TMIGD2: variants seen among roughly 807,000 people sequenced by gnomAD.
TMIGD2 encodes transmembrane and immunoglobulin domain containing 2, also known as transmembrane and immunoglobulin domain-containing protein 2.
Under a neutral mutation model 22.6 loss-of-function variants are expected in TMIGD2, and 18 were observed. The ratio of observed to expected loss-of-function variants is 0.80; its 90% CI spans 0.55 to 1.18. The LOEUF (loss-of-function observed/expected upper bound fraction) is 1.18. TMIGD2 is among the 50% of genes most tolerant of loss of function. The pLI, the probability that TMIGD2 is intolerant of heterozygous loss-of-function variation, is 0.00. For synonymous variants in TMIGD2, 184 were observed against 154.1 expected (o/e 1.19, Z -1.44); for missense variants, 361 against 378.2 (o/e 0.95, Z 0.38).
At chr19:4,296,545 G>A (rs1210065421) in intron 2 of TMIGD2, among the ~76,000 whole-genome samples, 4 of 152,168 alleles carry the variant, frequency 2.6e-5, no homozygotes, top group South Asian at 2.1e-4. Context: ...CAGCTGTGTG[G>A]GGTTGGACCC....
At chr19:4,292,365 G>A (rs6510800) in exon 5 of TMIGD2, 86,069 of 499,342 alleles carry the variant, frequency 0.17, 8,219 homozygotes, top group South Asian at 0.25. Flanking sequence ...TTTTTGAGAC[G>A]GAGTCTCACT....
At chr19:4,294,580 T>C in exon 4 of TMIGD2, 2 of 1,612,108 alleles carry the variant, frequency 1.2e-6, no homozygotes, top group Non-Finnish European at 1.7e-6. Flanking sequence ...GGCTGTTACC[T>C]GAGTCCCTTT....
At chr19:4,301,823 G>A (rs1258539770) in intron 1 of TMIGD2, among the ~76,000 whole-genome samples, 1 of 152,240 alleles carries the variant, frequency 6.6e-6, no homozygotes, top group Non-Finnish European at 1.5e-5. Context: ...GAAACACAGA[G>A]GGAGCTGCTG....
chr19:4,301,439 TG>T (rs1212263775), intron 1 of TMIGD2, among the ~76,000 whole-genome samples: 1 of 151,994 alleles, frequency 6.6e-6, no homozygotes, highest in Non-Finnish European at 1.5e-5. Flanking sequence ...GAGGCCAAGG[TG>T]GGTGGATCAT....
At chr19:4,301,404 C>T (rs1308262881) in intron 1 of TMIGD2, among the ~76,000 whole-genome samples, 2 of 152,182 alleles carry the variant, frequency 1.3e-5, no homozygotes, top group Non-Finnish European at 2.9e-5. Context: ...CACGGTGGCT[C>T]ACGCCTGTAA....
At chr19:4,302,157 AG>A (rs972258419) in intron 1 of TMIGD2, among the ~76,000 whole-genome samples, 182 bp downstream of exon 1, 2 of 151,800 alleles carry the variant, frequency 1.3e-5, no homozygotes, top group Non-Finnish European at 2.9e-5. Flanking sequence ...ATTGTATCCT[AG>A]GGGCCCTCAG....
chr19:4,300,804 G>A (rs763160981), intron 1 of TMIGD2, among the ~76,000 whole-genome samples: 1 of 152,354 alleles, frequency 6.6e-6, no homozygotes, highest in South Asian at 2.1e-4. Flanking sequence ...AGGCCCGTGT[G>A]GCTGGAGCAG....
At chr19:4,298,247 C>T in exon 2 of TMIGD2, 1 of 1,612,646 alleles carries the variant, frequency 6.2e-7, no homozygotes, top group East Asian at 2.2e-5. Flanking sequence ...CAGGCTGTGG[C>T]CTGGTCCACC....
chr19:4,292,352 T>G (rs1192224471), exon 5 of TMIGD2: 1 of 467,910 alleles, frequency 2.1e-6, no homozygotes, highest in Non-Finnish European at 3.8e-6. Context: ...CTGCTTTTTG[T>G]TTTTTTTGAG....
intron 1 of TMIGD2, among the ~76,000 whole-genome samples, chr19:4,300,811 G>A (rs1971526959): frequency 6.6e-6 from 1 of 152,234 alleles, no homozygotes; most frequent in South Asian, 2.1e-4. Flanking sequence ...TGTGGCTGGA[G>A]CAGAGTGAGG....
At chr19:4,292,661 G>T (rs1183969883) in exon 5 of TMIGD2, 1 of 1,609,530 alleles carries the variant, frequency 6.2e-7, no homozygotes, top group Non-Finnish European at 8.5e-7. Flanking sequence ...CTTGGTCTAG[G>T]AGAGACCCTG....
exon 2 of TMIGD2, chr19:4,298,066 G>A (rs764687467): frequency 3.7e-6 from 6 of 1,613,628 alleles, no homozygotes; most frequent in African/African-American, 1.3e-5. Context: ...GCACACGTAC[G>A]CCCCGCTGTG....
chr19:4,297,591 T>A (rs1375431643), intron 2 of TMIGD2, among the ~76,000 whole-genome samples: 3 of 152,184 alleles, frequency 2.0e-5, no homozygotes, highest in Non-Finnish European at 4.4e-5. Flanking sequence ...GCATGGTGGC[T>A]CAGGCCTGTA....
chr19:4,298,932 T>A (rs894751718), intron 1 of TMIGD2, among the ~76,000 whole-genome samples: 1 of 151,930 alleles, frequency 6.6e-6, no homozygotes, highest in Non-Finnish European at 1.5e-5. Flanking sequence ...ATGCTGGGTG[T>A]GGGGAACACA....
intron 1 of TMIGD2, among the ~76,000 whole-genome samples, chr19:4,301,771 C>T (rs1971539367): frequency 6.6e-6 from 1 of 151,880 alleles, no homozygotes; most frequent in Non-Finnish European, 1.5e-5. Context: ...AGGTTTTCGC[C>T]CCAGGAAATG....
intron 2 of TMIGD2, among the ~76,000 whole-genome samples, chr19:4,297,571 T>C (rs1343628312): frequency 1.3e-5 from 2 of 152,128 alleles, no homozygotes; most frequent in African/African-American, 4.8e-5. Flanking sequence ...ATTCTTGGAT[T>C]ATGGGCCGGG....
intron 2 of TMIGD2, among the ~76,000 whole-genome samples, chr19:4,295,567 A>G (rs1971452119): frequency 6.6e-6 from 1 of 152,006 alleles, no homozygotes; most frequent in East Asian, 1.9e-4. Context: ...CGAAAAAAAA[A>G]AAGAAAAATG....
intron 2 of TMIGD2, 62 bp from the exon 3 acceptor site, chr19:4,294,878 T>C: frequency 6.8e-7 from 1 of 1,460,332 alleles, no homozygotes; most frequent in South Asian, 1.4e-5. Context: ...AGGACAGAGC[T>C]CACTTGGGGG....
exon 4 of TMIGD2, chr19:4,294,629 A>G (rs767501267): frequency 6.2e-7 from 1 of 1,608,326 alleles, no homozygotes; most frequent in Admixed American, 1.7e-5. Context: ...GGCACCCCAC[A>G]CGATCGCAGC....
Sources: allele counts gnomAD v4.1 joint callset (sites outside exome capture counted in the v4.1 genomes callset), GRCh38; gene constraint gnomAD v4.1.1; transcripts MANE v1.5; gene names NCBI Gene and HGNC (gene_info 2026-07-23, HGNC 2026-07-21).